DIS3: variants seen among roughly 807,000 people sequenced by gnomAD.
The protein encoded by DIS3 is DIS3 exosome endoribonuclease and 3'-5' exoribonuclease, also known as exosome complex exonuclease RRP44.
Under a neutral mutation model 113.0 loss-of-function variants are expected in DIS3, and 103 were observed. The ratio of observed to expected loss-of-function variants is 0.91; its 90% CI spans 0.78 to 1.07. DIS3 has a LOEUF of 1.07. Ranked by LOEUF, DIS3 falls within the 50% of genes least tolerant of loss-of-function variation. The pLI is 0.00. For missense variants in DIS3, 1,121 were observed against 1,167.1 expected (o/e 0.96, Z 0.58); for synonymous variants, 402 against 394.3 (o/e 1.02, Z -0.23).
chr13:72,763,423 G>A (rs768517066), intron 16 of DIS3, 28 bp downstream of exon 16: 13 of 1,573,016 alleles, frequency 8.3e-6, no homozygotes, highest in Non-Finnish European at 1.1e-5. Context: ...AACACAAATA[G>A]ATGATTTTTC....
intron 11 of DIS3, 44 bp downstream of exon 11, chr13:72,771,751 T>G (rs770168859): frequency 3.8e-6 from 6 of 1,575,616 alleles, no homozygotes; most frequent in Non-Finnish European, 5.2e-6. Flanking sequence ...TTAAGAATCC[T>G]TAAGTGTCCA....
intron 16 of DIS3, among the ~76,000 whole-genome samples, chr13:72,763,244 G>A (rs1468034758): frequency 2.6e-5 from 4 of 152,036 alleles, no homozygotes; most frequent in Non-Finnish European, 5.9e-5. Flanking sequence ...GGTGGAGGGT[G>A]CAGTGAGCCG....
At position 72,773,697 on chromosome 13, in the gene DIS3, G is replaced by A. The variant is rs139211177; in HGVS notation, c.1226C>T (p.Ser409Phe). ...CTTTAAGCTTACATTTGGATATCTGGAATTTCTGGGCCAACCATCAATAGC... is the reference window on the plus strand; with the variant it reads ...CTTTAAGCTTACATTTGGATATCTGAAATTTCTGGGCCAACCATCAATAGC... The part of the protein sequence containing the change: ...IVAIDGWPRN[S>F]RYPNGHFVRN... The change falls in exon 8 of 21, where the codon TCC becomes TTC. Residue 409 changes from serine to phenylalanine, a missense_variant. Coordinates refer to ENST00000377767, the MANE Select transcript of DIS3 (RefSeq NM_014953.5). 2 of 1,609,158 alleles carry A rather than the reference G, an allele frequency of 1.2e-6. No homozygotes were observed. Among genetic ancestry groups the A allele is most frequent in the African/African-American group, 2.7e-5 (2 of 74,662 alleles).
intron 13 of DIS3, among the ~76,000 whole-genome samples, chr13:72,769,985 A>G (rs2033846492): frequency 6.6e-6 from 1 of 152,198 alleles, no homozygotes; most frequent in Non-Finnish European, 1.5e-5. Flanking sequence ...GACAAGAAAG[A>G]TAACCTGGCT....
At position 72,778,297 on chromosome 13, in the gene DIS3, T is replaced by G; in HGVS notation, c.470A>C (p.Asn157Thr). The G allele has an allele frequency of 6.2e-7, 1 of 1,606,872 alleles. No individual in the cohort carries two copies. The highest frequency in any genetic ancestry group is 2.2e-5 in the East Asian group (1 of 44,792). The change falls in exon 3 of 21, where the codon AAT becomes ACT. Residue 157 changes from asparagine (N) to threonine (T), a missense_variant. Coordinates refer to ENST00000377767, the MANE Select transcript of DIS3 (RefSeq NM_014953.5). ...TGCTGACATTTTTTTCAAATGTTCA[T>G]TGTACCATTTTGCTGCTACTCGAAT... The part of the protein sequence containing the change: ...RAIRVAAKWY[N>T]EHLKKMSADN...
intron 18 of DIS3, 42 bp downstream of exon 18, chr13:72,761,603 CA>C (rs765394766): frequency 6.5e-7 from 1 of 1,537,676 alleles, no homozygotes; most frequent in Non-Finnish European, 8.7e-7. Flanking sequence ...TAAAAATGAA[CA>C]AAACTTCATT....
chr13:72,753,593 T>G lies in DIS3; in HGVS notation c.*6202A>C. ...GATCAATATTACATGTTAGGATCAT[T>G]CAGATGTAGTGAATGAGAGTTTATA... On this transcript the variant is annotated 3_prime_UTR_variant, in exon 21 of 21. Coordinates refer to ENST00000377767, the MANE Select transcript of DIS3 (RefSeq NM_014953.5). The G allele has an allele frequency of 8.0e-7, 1 of 1,250,888 alleles. No individual in the cohort carries two copies. Among genetic ancestry groups the G allele is most frequent in the Non-Finnish European group, 1.1e-6 (1 of 894,884 alleles). The allele number at this position is 1,250,888 out of a possible 1,614,324, so 77.5% of individuals were successfully genotyped here.
chr13:72,781,601 G>A lies in DIS3; in HGVS notation c.228+4C>T. The A allele has an allele frequency of 6.7e-7, 1 of 1,499,322 alleles. No homozygotes were observed. Among genetic ancestry groups the A allele is most frequent in the South Asian group, 1.3e-5 (1 of 78,166 alleles). The allele number at this position is 1,499,322 out of a possible 1,614,324, so 92.9% of individuals were successfully genotyped here. On this transcript the variant is annotated splice_donor_region_variant and intron_variant, in intron 1 of 20. Coordinates refer to ENST00000377767, the MANE Select transcript of DIS3 (RefSeq NM_014953.5). ...CGCTGTCCGCGGTTCGCCCGCCCAC[G>A]CACCTGGTGCAGTAACACATTAGTG...
rs1458976377 is a variant in DIS3, at chr13:72,778,274, C to T, written c.493G>A (p.Ala165Thr). ...WYNEHLKKMS[A>T]DNQLQVIFIT... ...AAGATAACTTGCAGCTGGTTGTCTG[C>T]TGACATTTTTTTCAAATGTTCATTG... Residue 165 changes from alanine (A) to threonine (T), a missense_variant, in exon 3 of 21, where the codon GCA (alanine) becomes ACA (threonine). Ala to Thr is a moderately conservative substitution (Grantham distance 58). This residue lies in a region of DIS3 where 254 missense variants were observed against 232.2 expected (regional missense o/e 1.09). Transcript: ENST00000377767. 1.2e-6 allele frequency: 2 copies of T among 1,606,806 alleles called. No individual in the cohort carries two copies. Among genetic ancestry groups the T allele is most frequent in the African/African-American group, 2.7e-5 (2 of 74,860 alleles).
At chr13:72,765,428 G>A (rs1235268156) in intron 15 of DIS3, among the ~76,000 whole-genome samples, 1 of 152,108 alleles carries the variant, frequency 6.6e-6, no homozygotes, top group Non-Finnish European at 1.5e-5. Flanking sequence ...TCTGGCACCA[G>A]GGACGGGTTT....
intron 11 of DIS3, 27 bp downstream of exon 11, chr13:72,771,768 T>A: frequency 6.2e-7 from 1 of 1,605,122 alleles, no homozygotes; most frequent in Non-Finnish European, 8.5e-7. Flanking sequence ...TCCATGACTG[T>A]TAAATTTTTA....
chr13:72,758,258 C>A lies in DIS3; in HGVS notation c.*1537G>T, dbSNP rs1350363549. ...GCAATAGGCTATCCCATATAGGATA[C>A]CATAGGGTATACCATCTAGGTTTGT... is the stretch of plus-strand genomic sequence containing the variant. On this transcript the variant is annotated 3_prime_UTR_variant, in exon 21 of 21. Transcript: ENST00000377767. 5 of 182,016 alleles carry A rather than the reference C, an allele frequency of 2.7e-5. No homozygotes were observed. Among genetic ancestry groups the A allele is most frequent in the Admixed American group, 6.3e-5 (1 of 15,954 alleles). 11.3% of individuals were successfully genotyped at this position (182,016 alleles called of 1,614,324 possible).
At chr13:72,772,032 G>T in intron 10 of DIS3, 127 bp downstream of exon 10, 1 of 1,200,014 alleles carries the variant, frequency 8.3e-7, no homozygotes, top group Non-Finnish European at 1.2e-6. Flanking sequence ...CTGACATATG[G>T]CCAATAGCGT....
At chr13:72,771,053 T>G (rs759807978) in intron 12 of DIS3, 28 bp downstream of exon 12, 11 of 1,611,432 alleles carry the variant, frequency 6.8e-6, no homozygotes, top group Non-Finnish European at 9.3e-6. Flanking sequence ...TACAATGTCT[T>G]CAAGGAAAAA....
At position 72,757,873 on chromosome 13, in the gene DIS3, GCTGAAAAATTC is replaced by G; in HGVS notation, c.*1911_*1921del. ...GATGATCCCGTAAGATTACAATGGA[GCTGAAAAATTC>G]CTATTGCCTGGGGACACAGCCATGG... On this transcript the variant is annotated 3_prime_UTR_variant, in exon 21 of 21. Coordinates refer to ENST00000377767, the MANE Select transcript of DIS3 (RefSeq NM_014953.5). 4.8e-6 allele frequency: 1 copy of G among 206,874 alleles called. No individual in the cohort carries two copies. The highest frequency in any genetic ancestry group is 9.9e-6 in the Non-Finnish European group (1 of 101,242). 12.8% of individuals were successfully genotyped at this position (206,874 alleles called of 1,614,324 possible).
In DIS3 at chr13:72,771,118, T is replaced by A; in HGVS notation, c.1633A>T (p.Ser545Cys). Reference protein sequence around the residue: ...KRIDMVPELLSSNLCSLKCDV... With the variant: ...KRIDMVPELLCSNLCSLKCDV... ...CATTTTAAGGAACACAAGTTAGAGC[T>A]AAGCAACTCTGGAACCATGTCAATC... The change falls in exon 12 of 21, where the codon AGC becomes TGC. Residue 545 changes from serine to cysteine, a missense_variant. Around this residue, in one of 3 missense-constraint regions of DIS3, gnomAD observed 861 missense variants for 915.5 expected, o/e 0.94. Transcript: ENST00000377767. The A allele has an allele frequency of 6.2e-7, 1 of 1,613,666 alleles. No individual in the cohort carries two copies. Among genetic ancestry groups the A allele is most frequent in the Middle Eastern group, 1.7e-4 (1 of 6,058 alleles).
intron 19 of DIS3, among the ~76,000 whole-genome samples, chr13:72,760,978 T>C (rs2033609042): frequency 1.3e-5 from 2 of 152,098 alleles, no homozygotes; most frequent in Non-Finnish European, 2.9e-5. Context: ...GTTCAAATAT[T>C]CTCTCAGGGC....
rs139239703 is a variant in DIS3 at position 72,753,716 on chromosome 13, T to C, written c.*6079A>G. 2.5e-6 allele frequency: 4 copies of C among 1,613,270 alleles called. No homozygotes were observed. The highest frequency in any genetic ancestry group is 3.4e-6 in the Non-Finnish European group (4 of 1,179,672). ...TGGATAGTGGCTATAATACGCAGAA[T>C]TGTGGAAGCAATATTATGGATACAG... On this transcript the variant is annotated 3_prime_UTR_variant, in exon 21 of 21. Coordinates refer to ENST00000377767, the MANE Select transcript of DIS3 (RefSeq NM_014953.5).
Position 72,755,343 on chromosome 13 carries a change from T to TTTTTCACATTAAGGAG in DIS3, c.*4451_*4452insCTCCTTAATGTGAAAA. On this transcript the variant is annotated 3_prime_UTR_variant, in exon 21 of 21. Coordinates refer to ENST00000377767, the MANE Select transcript of DIS3 (RefSeq NM_014953.5). ...AACATGCTTAGCTTTCCCTCCTTAA[T>TTTTTCACATTAAGGAG]GTGAAAAATCAAGGGCTTACTGACA... The TTTTTCACATTAAGGAG allele has an allele frequency of 2.8e-6, 2 of 723,164 alleles. No homozygotes were observed. The highest frequency in any genetic ancestry group is 4.5e-6 in the Non-Finnish European group (2 of 444,222). 44.8% of individuals were successfully genotyped at this position (723,164 alleles called of 1,614,324 possible).
Sources: gnomAD v4.1 joint callset for allele counts (sites outside exome capture counted in the v4.1 genomes callset) on GRCh38, gnomAD v4.1.1 for gene constraint, gnomAD v4.1.1 regional missense constraint, MANE v1.5 for transcripts, NCBI Gene and HGNC (gene_info 2026-07-23, HGNC 2026-07-21) for gene names.